Variants in ZNF618 observed in about 807,000 individuals in gnomAD.
ZNF618 encodes the protein neural precursor cell expressed, developmentally down-regulated 10.
In ZNF618, 34 loss-of-function variants were observed where a neutral mutation model predicts 103.0. The observed-to-expected ratio is 0.33, with a 90% CI of 0.25 to 0.44. ZNF618 has a LOEUF of 0.44. Ranked by LOEUF, ZNF618 falls within the 20% of genes least tolerant of loss-of-function variation. The probability of loss-of-function intolerance (pLI) is 1.00; values close to 1 mark genes in which losing one functional copy is unlikely to be tolerated. For synonymous variants in ZNF618, 551 were observed against 542.2 expected (o/e 1.02, Z -0.23); for missense variants, 1,059 against 1,295.4 (o/e 0.82, Z 2.80).
At chr9:114,039,499 C>T (rs1844937774) in intron 13 of ZNF618, among the ~76,000 whole-genome samples, 1 of 152,120 alleles carries the variant, frequency 6.6e-6, no homozygotes, top group African/African-American at 2.4e-5. Flanking sequence ...TACAGGCATA[C>T]ACCACCATGC....
chr9:113,908,239 C>A (rs1831172414), intron 1 of ZNF618, among the ~76,000 whole-genome samples: 1 of 152,118 alleles, frequency 6.6e-6, no homozygotes, highest in Non-Finnish European at 1.5e-5. Context: ...AAAACATCAT[C>A]TTTACCCACT....
chr9:113,954,929 C>T (rs1836123137), intron 1 of ZNF618, among the ~76,000 whole-genome samples: 1 of 152,166 alleles, frequency 6.6e-6, no homozygotes, highest in African/African-American at 2.4e-5. Flanking sequence ...CAGCCTTTTC[C>T]ATAATTTTAC....
chr9:113,894,768 G>T (rs1829896440), intron 1 of ZNF618, among the ~76,000 whole-genome samples: 1 of 151,994 alleles, frequency 6.6e-6, no homozygotes, highest in Admixed American at 6.6e-5. Flanking sequence ...AATTAATGTG[G>T]GTACATAGAA....
At chr9:113,886,595 T>C (rs1829090941) in intron 1 of ZNF618, among the ~76,000 whole-genome samples, 1 of 152,162 alleles carries the variant, frequency 6.6e-6, no homozygotes, top group Non-Finnish European at 1.5e-5. Context: ...AAAGTGAAAC[T>C]GATCTGAAAT....
At position 113,915,042 on chromosome 9, in the gene ZNF618, A is replaced by G. The variant is rs528997468; in HGVS notation, c.33+38629A>G. On this transcript the variant is annotated intron_variant, in intron 1 of 14. Transcript: ENST00000374126. ...TTGCTCATTTTCTCTTCATTTAACT[A>G]TAGAGGGAAAATCTTCTACCTTACT... Among the ~76,000 whole-genome samples, 5 of 152,334 alleles carry G rather than the reference A, an allele frequency of 3.3e-5. No individual in the cohort carries two copies. The South Asian group carries it at 8.3e-4, about 25-fold the overall frequency.
rs200527456 is a variant in ZNF618 at position 113,962,427 on chromosome 9, C to CTAAAA, written c.34-6688_34-6684dup. ...CAACACAGCAACCAGAGTGATCTTTCTAAAATGTAAGTCAAAGTATGTCAC... is the reference window on the plus strand; with the variant it reads ...CAACACAGCAACCAGAGTGATCTTTCTAAAATAAAATGTAAGTCAAAGTATGTCAC... On this transcript the variant is annotated intron_variant, in intron 1 of 14. Coordinates refer to ENST00000374126, the MANE Select transcript of ZNF618 (RefSeq NM_001318042.2). Among the ~76,000 whole-genome samples, 11 of 152,354 alleles carry CTAAAA rather than the reference C, an allele frequency of 7.2e-5. No individual in the cohort carries two copies. In the East Asian group the frequency reaches 2.1e-3, roughly 29 times the overall value.
At chr9:114,006,395 C>G (rs774070295) in intron 6 of ZNF618, among the ~76,000 whole-genome samples, 8 of 152,236 alleles carry the variant, frequency 5.3e-5, no homozygotes, top group Non-Finnish European at 1.0e-4. Flanking sequence ...CTCCCTGTGC[C>G]TGGGGTGATG....
intron 9 of ZNF618, chr9:114,016,117 C>T (rs1842627826): frequency 6.2e-7 from 1 of 1,610,414 alleles, no homozygotes; most frequent in Admixed American, 1.7e-5. Flanking sequence ...CCCCAGTGAA[C>T]AATATTACAT....
At chr9:113,941,748 C>T (rs1333426170) in intron 1 of ZNF618, among the ~76,000 whole-genome samples, 2 of 150,296 alleles carry the variant, frequency 1.3e-5, no homozygotes, top group African/African-American at 4.9e-5. Context: ...AGTTGGGAAA[C>T]TTTTATCAGG....
chr9:113,967,016 T>A (rs1837469624), intron 1 of ZNF618, among the ~76,000 whole-genome samples: 1 of 152,206 alleles, frequency 6.6e-6, no homozygotes, highest in African/African-American at 2.4e-5. Context: ...GAGACTCTTA[T>A]CCCACACTCT....
intron 1 of ZNF618, among the ~76,000 whole-genome samples, chr9:113,937,996 A>G (rs760568373): frequency 3.3e-5 from 5 of 152,094 alleles, no homozygotes; most frequent in Admixed American, 6.5e-5. Context: ...CATGAGCTTT[A>G]TATCAACTCC....
chr9:113,988,575 C>T lies in ZNF618; in HGVS notation c.332C>T (p.Thr111Ile). 6 of 1,605,746 alleles carry T rather than the reference C, an allele frequency of 3.7e-6. No homozygotes were observed. The highest frequency in any genetic ancestry group is 4.2e-6 in the Non-Finnish European group (5 of 1,178,050). Residue 111 changes from threonine (T) to isoleucine (I), a missense_variant, in exon 3 of 15, where the codon ACC becomes ATC. Physicochemically the swap from Thr to Ile is moderately conservative, Grantham distance 89 (BLOSUM62 -1). Around this residue, in one of 6 missense-constraint regions of ZNF618, gnomAD observed 194 missense variants for 209.0 expected, o/e 0.93. Coordinates refer to ENST00000374126, the MANE Select transcript of ZNF618 (RefSeq NM_001318042.2). ...VVIGGVRNQQ[T>I]LDGKAPEGSP... ...ATCGGCGGCGTCCGCAACCAGCAGA[C>T]CCTTGGTGAGTGCCCAGCGTCTGTG...
intron 1 of ZNF618, among the ~76,000 whole-genome samples, chr9:113,949,147 C>T (rs1451197738): frequency 6.6e-6 from 1 of 152,210 alleles, no homozygotes; most frequent in Non-Finnish European, 1.5e-5. Context: ...TGTAATTGCC[C>T]GTGACATCAC....
At chr9:113,876,725 A>G (rs1440196464) in intron 1 of ZNF618, among the ~76,000 whole-genome samples, 1 of 151,780 alleles carries the variant, frequency 6.6e-6, no homozygotes, top group Non-Finnish European at 1.5e-5. Context: ...CAGTTTGGAC[A>G]ATTCACATTT....
At chr9:114,039,336 G>GT (rs1415621409) in intron 13 of ZNF618, among the ~76,000 whole-genome samples, 279 of 133,012 alleles carry the variant, frequency 2.1e-3, no homozygotes, top group East Asian at 8.5e-3. Flanking sequence ...TTTCTTTCTT[G>GT]TTTGTTTTTT....
At chr9:113,964,426 C>G (rs975335422) in intron 1 of ZNF618, among the ~76,000 whole-genome samples, 104 of 152,202 alleles carry the variant, frequency 6.8e-4, no homozygotes, top group African/African-American at 2.2e-3. Flanking sequence ...TATCAGTGAG[C>G]ACAAAAGATT....
At chr9:114,010,570 G>A (rs1335811765) in intron 9 of ZNF618, among the ~76,000 whole-genome samples, 1 of 152,000 alleles carries the variant, frequency 6.6e-6, no homozygotes, top group East Asian at 1.9e-4. Flanking sequence ...CGGGCGTGGT[G>A]GCATGTGCCT....
chr9:113,992,354 T>C (rs1184656751), intron 3 of ZNF618, among the ~76,000 whole-genome samples: 1 of 152,116 alleles, frequency 6.6e-6, no homozygotes, highest in African/African-American at 2.4e-5. Flanking sequence ...TTCTTTCGTG[T>C]TATGAAGGGC....
intron 3 of ZNF618, among the ~76,000 whole-genome samples, chr9:113,996,191 C>T (rs1275561427): frequency 2.0e-5 from 3 of 152,132 alleles, no homozygotes; most frequent in African/African-American, 4.8e-5. Context: ...CCCTGTCATT[C>T]GGCAAGCCCT....
Sources: allele counts gnomAD v4.1 joint callset (sites outside exome capture counted in the v4.1 genomes callset), GRCh38; gene constraint gnomAD v4.1.1; regional missense constraint gnomAD v4.1.1; transcripts MANE v1.5; gene names NCBI Gene and HGNC (gene_info 2026-07-23, HGNC 2026-07-21).